The following EPHA3 variants were observed in gnomAD, a reference collection of about 807,000 sequenced individuals.
EPHA3 encodes EPH receptor A3, also known as ephrin type-A receptor 3.
Under a neutral mutation model 107.1 loss-of-function variants are expected in EPHA3, and 42 were observed. That is an observed-to-expected ratio of 0.39 (90% CI 0.31 to 0.51). The LOEUF is 0.51. Among genes scored for constraint, EPHA3 ranks in the 20% least tolerant of loss-of-function variants. The pLI, the probability that EPHA3 is intolerant of heterozygous loss-of-function variation, is 0.78. For missense variants in EPHA3, 1,183 were observed against 1,211.2 expected (o/e 0.98, Z 0.35); for synonymous variants, 461 against 424.8 (o/e 1.09, Z -1.05).
At chr3:89,400,256 C>G in intron 7 of EPHA3, 1 of 221,674 alleles carries the variant, frequency 4.5e-6, no homozygotes, top group Non-Finnish European at 7.6e-6. Flanking sequence ...TACAGCAGAG[C>G]GATCTCGGCT....
At chr3:89,394,251 T>C (rs80310422) in intron 5 of EPHA3, among the ~76,000 whole-genome samples, 1,684 of 152,104 alleles carry the variant, frequency 0.011, 36 homozygotes, top group African/African-American at 0.039. Flanking sequence ...TCTCTACAAA[T>C]AATAAAAAAT....
chr3:89,250,450 C>A (rs1339975878), intron 3 of EPHA3, among the ~76,000 whole-genome samples: 1 of 152,074 alleles, frequency 6.6e-6, no homozygotes, highest in African/African-American at 2.4e-5. Flanking sequence ...CTTTATCTAC[C>A]CTATTATCAC....
At chr3:89,324,910 G>T (rs148664859) in intron 3 of EPHA3, among the ~76,000 whole-genome samples, 2 of 152,066 alleles carry the variant, frequency 1.3e-5, no homozygotes, top group Non-Finnish European at 2.9e-5. Context: ...ATATTTGCGA[G>T]TACCCAGTAT....
chr3:89,183,346 G>A (rs1705487314), intron 2 of EPHA3, among the ~76,000 whole-genome samples: 1 of 151,880 alleles, frequency 6.6e-6, no homozygotes, highest in Admixed American at 6.6e-5. Flanking sequence ...ATTCTATTAT[G>A]CATAGTCCTG....
chr3:89,399,527 C>A, intron 7 of EPHA3, 47 bp downstream of exon 7: 1 of 1,597,396 alleles, frequency 6.3e-7, no homozygotes, highest in South Asian at 1.1e-5. Flanking sequence ...AGGGATCTTG[C>A]AAAAGATGTC....
intron 2 of EPHA3, among the ~76,000 whole-genome samples, chr3:89,131,875 C>T (rs777215020): frequency 8.5e-5 from 13 of 152,170 alleles, no homozygotes; most frequent in Non-Finnish European, 1.3e-4. Flanking sequence ...TATCTGTTCG[C>T]TGGATTCTCC....
chr3:89,200,442 T>C (rs570359011), intron 2 of EPHA3, among the ~76,000 whole-genome samples: 2 of 152,310 alleles, frequency 1.3e-5, no homozygotes, highest in African/African-American at 4.8e-5. Flanking sequence ...ATGTTCAGTA[T>C]ATAATTGTTC....
rs1234487603 is a variant in EPHA3 at position 89,175,957 on chromosome 3, C to T, written c.154-33903C>T. 5.9e-5 allele frequency among the ~76,000 whole-genome samples: 9 copies of T among 152,086 alleles called. No individual in the cohort carries two copies. In the East Asian group the frequency reaches 1.2e-3, roughly 20 times the overall value. Reference sequence around the variant, plus strand: ...GTTTTCGTTTTGGCCACCACTGACCCCCAAGTGATGCTATCTTGTGCAACT... The same window carrying T: ...GTTTTCGTTTTGGCCACCACTGACCTCCAAGTGATGCTATCTTGTGCAACT... On this transcript the variant is annotated intron_variant, in intron 2 of 16. Coordinates refer to ENST00000336596, the MANE Select transcript of EPHA3 (RefSeq NM_005233.6).
chr3:89,377,487 T>C (rs2107479438), intron 5 of EPHA3, among the ~76,000 whole-genome samples: 1 of 152,186 alleles, frequency 6.6e-6, no homozygotes, highest in East Asian at 1.9e-4. Context: ...ACTTTAGCCA[T>C]CCAGGAAGGT....
chr3:89,135,368 A>G (rs1179270275), intron 2 of EPHA3, among the ~76,000 whole-genome samples: 3 of 152,180 alleles, frequency 2.0e-5, no homozygotes, highest in Admixed American at 6.5e-5. Flanking sequence ...GGAAACTGCA[A>G]GCTGTGTGAG....
intron 15 of EPHA3, among the ~76,000 whole-genome samples, chr3:89,453,253 C>A (rs1357143090): frequency 1.3e-5 from 2 of 151,874 alleles, no homozygotes; most frequent in Non-Finnish European, 2.9e-5. Context: ...ACATTCAAAC[C>A]ATTTTCAAAG....
chr3:89,345,595 A>C (rs540800700), intron 5 of EPHA3, among the ~76,000 whole-genome samples: 1 of 147,056 alleles, frequency 6.8e-6, no homozygotes, highest in South Asian at 2.1e-4. Flanking sequence ...TGAACACTTC[A>C]GTGACAATTT....
intron 5 of EPHA3, among the ~76,000 whole-genome samples, chr3:89,350,995 T>C (rs1026629695): frequency 9.9e-5 from 15 of 151,378 alleles, no homozygotes; most frequent in Non-Finnish European, 1.3e-4. Flanking sequence ...CAGCTGCGTG[T>C]TGGGAGAACC....
At chr3:89,439,880 A>C (rs1455561384) in intron 13 of EPHA3, among the ~76,000 whole-genome samples, 1 of 152,158 alleles carries the variant, frequency 6.6e-6, no homozygotes, top group Non-Finnish European at 1.5e-5. Context: ...AAAGTAACAT[A>C]AGCATTATGA....
intron 3 of EPHA3, among the ~76,000 whole-genome samples, chr3:89,234,856 CCCTTCTTT>C (rs1489430750): frequency 3.0e-5 from 4 of 132,092 alleles, no homozygotes; most frequent in African/African-American, 1.2e-4. Context: ...CTTCCTTCCT[CCCTTCTTT>C]CCTTCTCTTC....
intron 3 of EPHA3, among the ~76,000 whole-genome samples, chr3:89,264,547 T>G (rs919075443): frequency 1.3e-5 from 2 of 152,182 alleles, no homozygotes; most frequent in Non-Finnish European, 2.9e-5. Context: ...GAGTTCTCTT[T>G]TTATAAATTA....
chr3:89,352,779 T>C (rs1393243734), intron 5 of EPHA3, among the ~76,000 whole-genome samples: 2 of 150,090 alleles, frequency 1.3e-5, no homozygotes, highest in Non-Finnish European at 3.0e-5. Flanking sequence ...GGCAGGTGCC[T>C]GTAATTCCAG....
intron 3 of EPHA3, among the ~76,000 whole-genome samples, chr3:89,231,389 A>G (rs1704631182): frequency 6.6e-6 from 1 of 152,180 alleles, no homozygotes; most frequent in African/African-American, 2.4e-5. Context: ...AATGAAAACA[A>G]CCTAGATTTT....
intron 5 of EPHA3, among the ~76,000 whole-genome samples, chr3:89,366,343 G>A (rs1260767910): frequency 2.0e-5 from 3 of 150,594 alleles, no homozygotes; most frequent in African/African-American, 4.8e-5. Context: ...TCAAACATGA[G>A]AATAATTTAA....
Sources: gnomAD v4.1 joint callset for allele counts (sites outside exome capture counted in the v4.1 genomes callset) on GRCh38, gnomAD v4.1.1 for gene constraint, MANE v1.5 for transcripts, NCBI Gene and HGNC (gene_info 2026-07-23, HGNC 2026-07-21) for gene names.